Variants in ZGRF1 observed in about 807,000 individuals in gnomAD.
ZGRF1 encodes 5'-3' DNA helicase ZGRF1.
In ZGRF1, 196 loss-of-function variants were observed where a neutral mutation model predicts 203.5. The ratio of observed to expected loss-of-function variants is 0.96; its 90% confidence interval spans 0.86 to 1.08. ZGRF1 has a LOEUF of 1.08. ZGRF1 is among the 50% of genes least tolerant of loss of function. The pLI, the probability that ZGRF1 is intolerant of heterozygous loss-of-function variation, is 0.00. For synonymous variants in ZGRF1, 809 were observed against 841.3 expected, an observed-to-expected ratio of 0.96 and a Z score of 0.66; for missense variants, 2,326 against 2,416.3, an observed-to-expected ratio of 0.96 and a Z score of 0.78.
At chr4:112,572,413 G>A (rs373445661) in intron 16 of ZGRF1, among the ~76,000 whole-genome samples, 81 of 152,208 alleles carry the variant, frequency 5.3e-4, no homozygotes, top group African/African-American at 1.9e-3. Context: ...AACATGGATC[G>A]AGGATTTAAA....
At chr4:112,564,902 C>T in intron 16 of ZGRF1, 1 of 663,946 alleles carries the variant, frequency 1.5e-6, no homozygotes, top group Non-Finnish European at 2.7e-6. Context: ...CACCGCGCCG[C>T]CGTCGCTCTC....
At chr4:112,544,609 C>T (rs1438021945) in intron 24 of ZGRF1, among the ~76,000 whole-genome samples, 3 of 152,130 alleles carry the variant, frequency 2.0e-5, no homozygotes, top group African/African-American at 7.2e-5. Flanking sequence ...ATTCCAGGTA[C>T]GGAGAAAACA....
intron 3 of ZGRF1, among the ~76,000 whole-genome samples, chr4:112,626,898 C>T (rs534458749): frequency 6.6e-6 from 1 of 152,128 alleles, no homozygotes; most frequent in South Asian, 2.1e-4. Context: ...CTCCACCTCC[C>T]AGATTCAAGC....
At chr4:112,629,651 C>CA (rs2047344667) in intron 3 of ZGRF1, 1 of 152,240 alleles carries the variant, frequency 6.6e-6, no homozygotes, top group South Asian at 2.1e-4. Context: ...GCCTGAGTGA[C>CA]AGAGTTAGTT....
chr4:112,618,579 T>A lies in ZGRF1; in HGVS notation c.1463A>T (p.Glu488Val). 6.2e-7 allele frequency: 1 copy of A among 1,613,760 alleles called. No individual in the cohort carries two copies. The highest frequency in any genetic ancestry group is 8.5e-7 in the Non-Finnish European group (1 of 1,179,852). ...SLPELKHLQIESSNNSRISDD... is the reference protein window; with the variant it reads ...SLPELKHLQIVSSNNSRISDD... ...AGAGATCCTAGAATTATTACTAGAT[T>A]CAATTTGGAGATGTTTCAGTTCTGG... The change falls in exon 6 of 28, where the codon GAA becomes GTA. Residue 488 changes from glutamate (E) to valine (V), a missense_variant. Coordinates refer to ENST00000505019, the MANE Select transcript of ZGRF1 (RefSeq NM_018392.5).
chr4:112,585,665 A>G lies in ZGRF1; in HGVS notation c.3977T>C (p.Val1326Ala), dbSNP rs1322281409. The G allele has an allele frequency of 6.2e-7, 1 of 1,609,082 alleles. No individual in the cohort carries two copies. Among genetic ancestry groups the G allele is most frequent in the East Asian group, 2.2e-5 (1 of 44,544 alleles). ...CAATGATGTATAAAATGATATGTCA[A>G]CTTTTGAAAGAGCTTTCTGCAGGTT... ...AQNLQKALSK[V>A]DISFYTSLKG... The change falls in exon 14 of 28, where the codon GTT (valine) becomes GCT (alanine). Residue 1326 changes from valine to alanine, a missense_variant. Coordinates refer to ENST00000505019, the MANE Select transcript of ZGRF1 (RefSeq NM_018392.5).
chr4:112,541,354 C>A, intron 24 of ZGRF1, 86 bp from the exon 25 acceptor site: 1 of 669,578 alleles, frequency 1.5e-6, no homozygotes, highest in South Asian at 3.1e-5. Context: ...TTAAAAATAT[C>A]GCTATATTAT....
chr4:112,628,809 C>T, intron 3 of ZGRF1: 2 of 437,636 alleles, frequency 4.6e-6, no homozygotes, highest in Non-Finnish European at 9.0e-6. Context: ...AGAATCCAAT[C>T]AGATGGCTTT....
chr4:112,555,594 A>AT (rs1025374204), intron 20 of ZGRF1, among the ~76,000 whole-genome samples: 1 of 152,064 alleles, frequency 6.6e-6, no homozygotes, highest in East Asian at 1.9e-4. Flanking sequence ...CTAGTTTACA[A>AT]TTTTTTTTCC....
In ZGRF1 at chr4:112,617,684, T is replaced by C. The variant is rs1459918273; in HGVS notation, c.2358A>G (p.Glu786=). Residue 786 remains glutamate (E), a synonymous_variant, in exon 6 of 28, where the codon GAA becomes GAG. Transcript: ENST00000505019. ...KDTEAHISEP[E]DLGKIRSPPP... is the part of the protein sequence containing the mutation. ...GTGGACTTCTAATCTTTCCCAAATC[T>C]TCAGGTTCAGATATATGTGCTTCTG... 1 of 1,613,938 alleles carries C rather than the reference T, an allele frequency of 6.2e-7. No homozygotes were observed. The highest frequency in any genetic ancestry group is 1.3e-5 in the African/African-American group (1 of 74,946).
intron 16 of ZGRF1, among the ~76,000 whole-genome samples, chr4:112,570,879 G>T (rs773867271): frequency 6.6e-6 from 1 of 152,136 alleles, no homozygotes; most frequent in Non-Finnish European, 1.5e-5. Context: ...CAGGCACGCA[G>T]ATCACTTGAG....
intron 13 of ZGRF1, among the ~76,000 whole-genome samples, 171 bp downstream of exon 13, chr4:112,586,274 T>A (rs1278918322): frequency 6.6e-6 from 1 of 152,128 alleles, no homozygotes; most frequent in Non-Finnish European, 1.5e-5. Flanking sequence ...TTCCCACTTT[T>A]AAAACTCAGT....
rs71597606 is a variant in ZGRF1 at position 112,586,239 on chromosome 4, C to CAA, written c.3916+204_3916+205dup. On this transcript the variant is annotated intron_variant, in intron 13 of 27. Transcript: ENST00000505019. ...TGGGCAACATAGTGAGATCCTGTCT[C>CAA]AAAAAAAAAAAAGAAGATTGTAATT... 5.9e-4 allele frequency among the ~76,000 whole-genome samples: 83 copies of CAA among 141,296 alleles called. 1 individual carries two copies. The highest frequency in any genetic ancestry group is 1.6e-3 in the East Asian group (8 of 4,864). The allele number at this position is 141,296 out of a possible 152,430, so 92.7% of individuals were successfully genotyped here. A position where few individuals can be genotyped will look rare whatever the true frequency, so the allele number is the denominator to read the frequency against.
chr4:112,548,111 T>C, intron 23 of ZGRF1, 142 bp downstream of exon 23: 1 of 667,422 alleles, frequency 1.5e-6, no homozygotes, highest in East Asian at 2.9e-5. Flanking sequence ...CCAGCTAATT[T>C]TGTATTTTTT....
chr4:112,599,103 A>C (rs1749515676), intron 10 of ZGRF1, among the ~76,000 whole-genome samples: 1 of 152,140 alleles, frequency 6.6e-6, no homozygotes, highest in Non-Finnish European at 1.5e-5. Flanking sequence ...AAAATGACAA[A>C]GGGTTAATTT....
chr4:112,612,511 A>G lies in ZGRF1; in HGVS notation c.2667+13T>C, dbSNP rs761410747. On this transcript the variant is annotated intron_variant, in intron 7 of 27. Coordinates refer to ENST00000505019, the MANE Select transcript of ZGRF1 (RefSeq NM_018392.5). ...AAATAAAAAAAACATACTCTTAGAA[A>G]AAAAACCTGTACCTGTTGAGAATCC... is the stretch of plus-strand genomic sequence containing the variant. 1 of 1,556,064 alleles carries G rather than the reference A, an allele frequency of 6.4e-7. No individual in the cohort carries two copies. The highest frequency in any genetic ancestry group is 8.8e-7 in the Non-Finnish European group (1 of 1,139,402).
intron 19 of ZGRF1, among the ~76,000 whole-genome samples, chr4:112,560,304 T>C (rs767984299): frequency 8.5e-5 from 13 of 152,214 alleles, no homozygotes; most frequent in Non-Finnish European, 1.9e-4. Flanking sequence ...GTTTCTGTTA[T>C]GACCTCCATT....
chr4:112,603,385 T>C (rs1301858174), intron 10 of ZGRF1, 139 bp downstream of exon 10: 4 of 526,874 alleles, frequency 7.6e-6, no homozygotes, highest in African/African-American at 1.9e-5. Flanking sequence ...TATTTAGTTT[T>C]GAGATATTAT....
chr4:112,629,418 C>T (rs2047336847), intron 3 of ZGRF1, among the ~76,000 whole-genome samples: 1 of 152,154 alleles, frequency 6.6e-6, no homozygotes, highest in Non-Finnish European at 1.5e-5. Flanking sequence ...TGCCTGTAAT[C>T]CCAATACTTT....
Sources: gnomAD v4.1 joint callset for allele counts (sites outside exome capture counted in the v4.1 genomes callset) on GRCh38, gnomAD v4.1.1 for gene constraint, MANE v1.5 for transcripts, NCBI Gene and HGNC (gene_info 2026-07-23, HGNC 2026-07-21) for gene names.